Variants in ZNF335 observed in about 807,000 individuals in gnomAD.
ZNF335 encodes zinc finger protein 335.
In ZNF335, 84 loss-of-function variants were observed where a neutral mutation model predicts 145.6. That is an observed-to-expected ratio of 0.58 (90% CI 0.48 to 0.69). The LOEUF is 0.69. ZNF335 is among the 30% of genes least tolerant of loss of function. The pLI is 0.00. For missense variants in ZNF335, 1,865 were observed against 1,809.7 expected, an observed-to-expected ratio of 1.03 and a Z score of -0.55; for synonymous variants, 761 against 717.0, an observed-to-expected ratio of 1.06 and a Z score of -0.98.
rs369026184 is a variant in ZNF335, at chr20:45,949,846, G to A, written c.3623C>T (p.Thr1208Met). 1.6e-5 allele frequency: 26 copies of A among 1,614,142 alleles called. No individual in the cohort carries two copies. The highest frequency in any genetic ancestry group is 1.6e-4 in the Middle Eastern group (1 of 6,062). Residue 1208 changes from threonine (T) to methionine (M), a missense_variant, in exon 24 of 28, where the codon ACG (threonine) becomes ATG (methionine). Thr to Met is a moderately conservative substitution (Grantham distance 81). Transcript: ENST00000322927. ...EEAAYIQEIT[T>M]ADGQTVQHLV... is the part of the protein sequence containing the mutation. The stretch of plus-strand genomic sequence containing the variant: ...GTGCTGTACGGTCTGGCCATCTGCC[G>A]TGGTGATCTCTTGGATGTAGGCGGC...
chr20:45,964,204 G>A (rs2145404062), intron 7 of ZNF335: 3 of 532,120 alleles, frequency 5.6e-6, no homozygotes, highest in South Asian at 8.9e-5. Flanking sequence ...GTAGGACCTG[G>A]CCTGGATTAG....
At position 45,950,506 on chromosome 20, in the gene ZNF335, G is replaced by A. The variant is rs1399610024; in HGVS notation, c.3279C>T (p.His1093=). 26 of 1,614,124 alleles carry A rather than the reference G, an allele frequency of 1.6e-5. No homozygotes were observed. Among genetic ancestry groups the A allele is most frequent in the Non-Finnish European group, 2.2e-5 (26 of 1,180,062 alleles). Residue 1093 remains histidine, a synonymous_variant, in exon 21 of 28, where the codon CAC becomes CAT. Coordinates refer to ENST00000322927, the MANE Select transcript of ZNF335 (RefSeq NM_022095.4). ...ASKNKKDLRR[H]MLTHTKEKPF... The stretch of plus-strand genomic sequence containing the variant: ...GCTTCTCCTTTGTGTGAGTCAGCAT[G>A]TGCCGACGCAGGTCCTTCTTGTTCT...
intron 24 of ZNF335, 72 bp from the exon 25 acceptor site, chr20:45,949,640 G>T: frequency 6.7e-7 from 1 of 1,501,176 alleles, no homozygotes; most frequent in Non-Finnish European, 9.1e-7. Flanking sequence ...AGCTAAGAAG[G>T]CAGAGTGGAA....
Position 45,949,055 on chromosome 20 carries a change from T to C in ZNF335, c.3927A>G (p.Gln1309=), listed in dbSNP as rs1440939101. 3.1e-6 allele frequency: 5 copies of C among 1,613,662 alleles called. No individual in the cohort carries two copies. In the Admixed American group the frequency reaches 8.3e-5, roughly 27 times the overall value. The change falls in exon 28 of 28, where the codon CAA becomes CAG. Residue 1309 remains glutamine (Q), a synonymous_variant. Coordinates refer to ENST00000322927, the MANE Select transcript of ZNF335 (RefSeq NM_022095.4). ...CGTCTGTACCAAACAGGCCCTGGGCTTGGGCCATGGCAGCATCAGCCACTG... is the reference window on the plus strand; with the variant it reads ...CGTCTGTACCAAACAGGCCCTGGGCCTGGGCCATGGCAGCATCAGCCACTG... ...VTAVADAAMA[Q]AQGLFGTDET...
At position 45,949,488 on chromosome 20, in the gene ZNF335, G is replaced by T; in HGVS notation, c.3750C>A (p.Ile1250=). 6.2e-7 allele frequency: 1 copy of T among 1,613,850 alleles called. No individual in the cohort carries two copies. The highest frequency in any genetic ancestry group is 2.2e-5 in the East Asian group (1 of 44,882). ...EYVVVPEGHH[I]QVQEGQITHI... ...CCTCATCCCAGGTCTGGCCTACCTG[G>T]ATGTGATGGCCTTCAGGGACCACAA... The change falls in exon 25 of 28, where the codon ATC becomes ATA. Residue 1250 remains isoleucine (I), a synonymous_variant. Coordinates refer to ENST00000322927, the MANE Select transcript of ZNF335 (RefSeq NM_022095.4).
chr20:45,949,688 C>A (rs980119533), intron 24 of ZNF335, 112 bp downstream of exon 24: 1 of 1,462,000 alleles, frequency 6.8e-7, no homozygotes, highest in Non-Finnish European at 9.4e-7. Context: ...CAGTTGTTGG[C>A]AAGCATGGAC....
intron 22 of ZNF335, 48 bp downstream of exon 22, chr20:45,950,171 C>T: frequency 1.3e-6 from 2 of 1,577,788 alleles, no homozygotes; most frequent in Non-Finnish European, 1.7e-6. Context: ...TGGCCCAAGT[C>T]TCTGGATCTA....
chr20:45,961,736 T>G, intron 10 of ZNF335: 1 of 224,574 alleles, frequency 4.5e-6, no homozygotes, highest in Non-Finnish European at 8.9e-6. Context: ...GAGAGATGAG[T>G]AGGATCTGGA....
intron 17 of ZNF335, among the ~76,000 whole-genome samples, chr20:45,957,154 A>G (rs13040315): frequency 0.36 from 55,263 of 151,978 alleles, 10,702 homozygotes; most frequent in Middle Eastern, 0.48. Context: ...GGAACGCGAG[A>G]GAGTGGTCTG....
Position 45,953,943 on chromosome 20 carries a change from A to G in ZNF335, c.2448T>C (p.Ala816=), listed in dbSNP as rs2145365351. ...RELGGTALQV[A]VVKSEDVEAG... is the part of the protein sequence containing the mutation. ...CTTCCACATCTTCCGACTTCACCAC[A>G]GCCACCTGCAACGGCACCAGGGGGC... The change falls in exon 18 of 28, where the codon GCT becomes GCC. Residue 816 remains alanine, a synonymous_variant. Transcript: ENST00000322927. 1.3e-6 allele frequency: 2 copies of G among 1,590,236 alleles called. No homozygotes were observed. Among genetic ancestry groups the G allele is most frequent in the Non-Finnish European group, 1.7e-6 (2 of 1,167,098 alleles).
chr20:45,949,582 G>A lies in ZNF335; in HGVS notation c.3670-14C>T, dbSNP rs770002166. Reference sequence around the variant, plus strand: ...GATATACTGCACCTGTTGGTGGGGGGGGCGGGCATGGCGAGGCAGGTGCTG... The same window carrying A: ...GATATACTGCACCTGTTGGTGGGGGAGGCGGGCATGGCGAGGCAGGTGCTG... On this transcript the variant is annotated splice_polypyrimidine_tract_variant and intron_variant, in intron 24 of 27. Coordinates refer to ENST00000322927, the MANE Select transcript of ZNF335 (RefSeq NM_022095.4). 1.2e-6 allele frequency: 2 copies of A among 1,603,614 alleles called. No individual in the cohort carries two copies. Among genetic ancestry groups the A allele is most frequent in the Non-Finnish European group, 1.7e-6 (2 of 1,176,004 alleles).
rs780397810 is a variant in ZNF335 at position 45,949,341 on chromosome 20, C to T, written c.3811G>A (p.Glu1271Lys). The T allele has an allele frequency of 1.2e-6, 2 of 1,614,120 alleles. No homozygotes were observed. Among genetic ancestry groups the T allele is most frequent in the Admixed American group, 3.3e-5 (2 of 60,034 alleles). ...TCCCCCCACGGCCCTACCTGGGACT[C>T]CTGAAGGAACGGGGCTCCTTGTTCA... ...QYEQGAPFLQESQIQYVPVSP... is the reference protein window; with the variant it reads ...QYEQGAPFLQKSQIQYVPVSP... Residue 1271 changes from glutamate to lysine, a missense_variant, in exon 26 of 28, where the codon GAG becomes AAG. Glu to Lys is a moderately conservative substitution (Grantham distance 56). Coordinates refer to ENST00000322927, the MANE Select transcript of ZNF335 (RefSeq NM_022095.4).
intron 5 of ZNF335, 37 bp from the exon 6 acceptor site, chr20:45,967,671 T>C (rs1407338602): frequency 6.2e-7 from 1 of 1,611,500 alleles, no homozygotes; most frequent in East Asian, 2.2e-5. Flanking sequence ...GCTTGCCATG[T>C]CTGGCTCCCA....
chr20:45,966,856 CTCTT>C (rs1475220299), intron 6 of ZNF335: 2 of 146,308 alleles, frequency 1.4e-5, no homozygotes, highest in African/African-American at 2.6e-5. Flanking sequence ...CCCGGCATTT[CTCTT>C]TTTTTTTTTT....
intron 18 of ZNF335, 27 bp from the exon 19 acceptor site, chr20:45,952,736 G>A (rs563387785): frequency 1.9e-6 from 3 of 1,606,524 alleles, no homozygotes; most frequent in Non-Finnish European, 1.7e-6. Context: ...GGTTCTAGGA[G>A]AAGATGGAGG....
intron 24 of ZNF335, 83 bp downstream of exon 24, chr20:45,949,717 G>T: frequency 3.9e-6 from 6 of 1,549,734 alleles, no homozygotes; most frequent in Middle Eastern, 1.8e-4. Flanking sequence ...GGGTGGTTTG[G>T]AAAGTATCAT....
Position 45,949,100 on chromosome 20 carries a change from T to G in ZNF335, c.3902-20A>C. Reference sequence around the variant, plus strand: ...CCACTGCTGCCAGGGGAGGGGAAAGTATGGTGAGCTGGAGGCTCAAGAGCT... The same window carrying G: ...CCACTGCTGCCAGGGGAGGGGAAAGGATGGTGAGCTGGAGGCTCAAGAGCT... On this transcript the variant is annotated intron_variant, in intron 27 of 27. Transcript: ENST00000322927. 6.2e-7 allele frequency: 1 copy of G among 1,613,510 alleles called. No homozygotes were observed. The highest frequency in any genetic ancestry group is 8.5e-7 in the Non-Finnish European group (1 of 1,179,954).
rs2083791598 is a variant in ZNF335, at chr20:45,959,425, G to C, written c.2029C>G (p.Pro677Ala). 3 of 1,456,830 alleles carry C rather than the reference G, an allele frequency of 2.1e-6. No homozygotes were observed. The highest frequency in any genetic ancestry group is 2.3e-5 in the Admixed American group (1 of 44,224). 90.2% of individuals were successfully genotyped at this position (1,456,830 alleles called of 1,614,324 possible). A position where few individuals can be genotyped will look rare whatever the true frequency, so the allele number is the denominator to read the frequency against. The change falls in exon 15 of 28, where the codon CCC becomes GCC. Residue 677 changes from proline to alanine, a missense_variant. By Grantham distance (27) the Pro-to-Ala change is conservative. Transcript: ENST00000322927. The stretch of plus-strand genomic sequence containing the variant: ...AAGTGGCAGTACTCACAGGCGAAGG[G>C]CTTGGCCCCTGGAGGCACATGTTGG... The part of the protein sequence containing the change: ...HVAVKHTGAK[P>A]FACEYCHFST...
chr20:45,949,291 C>A, intron 26 of ZNF335, 40 bp from the exon 27 acceptor site: 1 of 1,613,968 alleles, frequency 6.2e-7, no homozygotes, highest in African/African-American at 1.3e-5. Context: ...CCTGGAGAAA[C>A]CTGCCTGTGC....
Sources: gnomAD v4.1 joint callset for allele counts (sites outside exome capture counted in the v4.1 genomes callset) on GRCh38, gnomAD v4.1.1 for gene constraint, MANE v1.5 for transcripts, NCBI Gene and HGNC (gene_info 2026-07-23, HGNC 2026-07-21) for gene names.